SMARCA4: variants seen among roughly 807,000 people sequenced by gnomAD.
SMARCA4 encodes SWI/SNF related BAF chromatin remodeling complex subunit ATPase 4.
A neutral mutation model predicts 193.9 loss-of-function variants in SMARCA4; 31 were observed. The observed-to-expected ratio is 0.16, with a 90% confidence interval of 0.12 to 0.22. SMARCA4 has a LOEUF of 0.22. Ranked by LOEUF, SMARCA4 falls within the 10% of genes least tolerant of loss-of-function variation. The pLI is 1.00. For synonymous variants in SMARCA4, 942 were observed against 933.1 expected (o/e 1.01, Z -0.17); for missense variants, 1,148 against 2,296.0 (o/e 0.50, Z 10.22).
intron 8 of SMARCA4, among the ~76,000 whole-genome samples, chr19:10,992,190 C>T (rs1481682087): frequency 6.6e-6 from 1 of 151,256 alleles, no homozygotes; most frequent in African/African-American, 2.4e-5. Context: ...CGGCTCACTG[C>T]AACCTCCATC....
intron 15 of SMARCA4, among the ~76,000 whole-genome samples, chr19:11,010,747 A>G (rs2088752501): frequency 6.6e-6 from 1 of 152,176 alleles, no homozygotes; most frequent in African/African-American, 2.4e-5. Context: ...GCAGAAAGTC[A>G]GTGTCTACTG....
At position 11,034,038 on chromosome 19, in the gene SMARCA4, C is replaced by A; in HGVS notation, c.3874-85C>A. 9.6e-7 allele frequency: 1 copy of A among 1,044,680 alleles called. No homozygotes were observed. Among genetic ancestry groups the A allele is most frequent in the Non-Finnish European group, 1.5e-6 (1 of 664,430 alleles). The allele number at this position is 1,044,680 out of a possible 1,614,324, so 64.7% of individuals were successfully genotyped here. On this transcript the variant is annotated intron_variant, in intron 27 of 34. Transcript: ENST00000344626. This position sits in a 1 kb window ranked among gnomAD's most constrained non-coding sequence, Gnocchi z 7.0. ...CGTGCCGGGACCACCAGCTCATTCC[C>A]ACGGACGCCGCCGCTCGCCTCTGAG...
In SMARCA4 at chr19:11,037,191, C is replaced by T. The variant is rs544538080; in HGVS notation, c.4170+2059C>T. Among the ~76,000 whole-genome samples, 104 of 152,260 alleles carry T rather than the reference C, an allele frequency of 6.8e-4. 1 individual carries two copies. Among genetic ancestry groups the T allele is most frequent in the African/African-American group, 2.2e-3 (93 of 41,510 alleles). ...AATATGTGCCTAGGCGTAGAGTTGC[C>T]GGAACAATGTTAGTTCTCTATTTAA... is the stretch of plus-strand genomic sequence containing the variant. On this transcript the variant is annotated intron_variant, in intron 29 of 34. Transcript: ENST00000344626.
intron 16 of SMARCA4, 93 bp from the exon 17 acceptor site, chr19:11,018,864 T>G: frequency 9.8e-7 from 1 of 1,021,716 alleles, no homozygotes; most frequent in Non-Finnish European, 1.6e-6. Flanking sequence ...GTGGCCATGT[T>G]GGCCTCGCCC....
chr19:11,021,450 G>A (rs2089859608), intron 18 of SMARCA4: 4 of 563,808 alleles, frequency 7.1e-6, no homozygotes, highest in Non-Finnish European at 1.0e-5. Context: ...GATTTTGCAG[G>A]GAAGCCAGAT....
At chr19:11,061,204 A>AAAATAT (rs1555797070) in intron 34 of SMARCA4, among the ~76,000 whole-genome samples, 19 of 45,210 alleles carry the variant, frequency 4.2e-4, no homozygotes, top group African/African-American at 1.9e-3. Flanking sequence ...AAAAAAAAAA[A>AAAATAT]ATATATATAT....
At chr19:10,974,521 TA>T (rs780255918) in intron 1 of SMARCA4, among the ~76,000 whole-genome samples, 1 of 150,188 alleles carries the variant, frequency 6.7e-6, no homozygotes, top group African/African-American at 2.4e-5. Flanking sequence ...ATGGCTATTG[TA>T]AAAAATAAAT....
At position 11,009,007 on chromosome 19, in the gene SMARCA4, CTTTTTTTTTTTTTTT is replaced by C. The variant is rs762148337; in HGVS notation, c.2123+1004_2123+1018del. On this transcript the variant is annotated intron_variant, in intron 14 of 34. Coordinates refer to ENST00000344626, the MANE Select transcript of SMARCA4 (RefSeq NM_003072.5). ...AAAAAATGTAGGTGGATAAAAGTCA[CTTTTTTTTTTTTTTT>C]TTTTTTTTTTTTTTTTTTTGAGATA... Among the ~76,000 whole-genome samples the C allele has an allele frequency of 9.6e-3, 393 of 40,964 alleles. 4 individuals are homozygous for C. Among genetic ancestry groups the C allele is most frequent in the African/African-American group, 0.034 (331 of 9,682 alleles). The allele number at this position is 40,964 out of a possible 152,430, so 26.9% of individuals were successfully genotyped here.
rs1403150013 is a variant in SMARCA4, at chr19:10,973,742, TG to T, written c.-31-10378del. Among the ~76,000 whole-genome samples the T allele has an allele frequency of 2.0e-5, 3 of 152,062 alleles. No homozygotes were observed. The East Asian group carries it at 5.8e-4, about 29-fold the overall frequency. ...CTGCCACCACGCCCGGCTAATTTTT[TG>T]TATTTTTAGTAGAGACGGGGTTTCA... is the stretch of plus-strand genomic sequence containing the variant. On this transcript the variant is annotated intron_variant, in intron 1 of 34. Coordinates refer to ENST00000344626, the MANE Select transcript of SMARCA4 (RefSeq NM_003072.5).
intron 24 of SMARCA4, among the ~76,000 whole-genome samples, chr19:11,028,159 A>C (rs1180174696): frequency 1.3e-5 from 2 of 152,198 alleles, no homozygotes; most frequent in Non-Finnish European, 2.9e-5. Flanking sequence ...CCTGACTCCT[A>C]GGCTGACAGT....
Position 10,996,274 on chromosome 19 carries a change from A to G in SMARCA4, c.1655A>G (p.Tyr552Cys), listed in dbSNP as rs2087031445. ...CAGAAGAAGGACAAGCGCCTGGCCT[A>G]CCTCTTGCAGCAGACAGACGAGTAC... The part of the protein sequence containing the change: ...IDQKKDKRLA[Y>C]LLQQTDEYVA... The change falls in exon 10 of 35, where the codon TAC (tyrosine) becomes TGC (cysteine). Residue 552 changes from tyrosine to cysteine, a missense_variant. Tyr to Cys is a radical substitution (Grantham distance 194, BLOSUM62 -2). This residue lies in a region of SMARCA4 where 10 missense variants were observed against 89.9 expected (regional missense o/e 0.11). Transcript: ENST00000344626. 1 of 1,614,194 alleles carries G rather than the reference A, an allele frequency of 6.2e-7. No homozygotes were observed. The highest frequency in any genetic ancestry group is 1.1e-5 in the South Asian group (1 of 91,086).
chr19:11,000,807 G>A (rs1476826707), intron 11 of SMARCA4, among the ~76,000 whole-genome samples: 1 of 151,036 alleles, frequency 6.6e-6, no homozygotes, highest in African/African-American at 2.4e-5. Flanking sequence ...AAACCCGGGA[G>A]GCGGATCACA....
intron 30 of SMARCA4, among the ~76,000 whole-genome samples, chr19:11,049,537 T>C (rs951628023): frequency 5.4e-5 from 8 of 148,804 alleles, no homozygotes; most frequent in African/African-American, 2.0e-4. Context: ...CAGGCTGGAG[T>C]GCAGTGGCAC....
In SMARCA4 at chr19:10,986,230, C is replaced by G. The variant is rs2145772582; in HGVS notation, c.397C>G (p.Pro133Ala). Residue 133 changes from proline to alanine, a missense_variant, in exon 4 of 35, where the codon CCA (proline) becomes GCA (alanine). Around this residue, in one of 17 missense-constraint regions of SMARCA4, gnomAD observed 201 missense variants for 248.3 expected, o/e 0.81. Coordinates refer to ENST00000344626, the MANE Select transcript of SMARCA4 (RefSeq NM_003072.5). This position sits in a 1 kb window ranked among gnomAD's most constrained non-coding sequence, Gnocchi z 6.7. ...GGGTGGCTCTGAGCATGCCTCTAGT[C>G]CAGTTCCAGCCAGTGGCCCGTCTTC... is the stretch of plus-strand genomic sequence containing the variant. Reference protein sequence around the residue: ...PLGGSEHASSPVPASGPSSGP... With the variant: ...PLGGSEHASSAVPASGPSSGP... 1 of 1,613,922 alleles carries G rather than the reference C, an allele frequency of 6.2e-7. No individual in the cohort carries two copies. The highest frequency in any genetic ancestry group is 8.5e-7 in the Non-Finnish European group (1 of 1,180,000).
intron 30 of SMARCA4, among the ~76,000 whole-genome samples, chr19:11,046,072 A>T (rs918343563): frequency 1.3e-5 from 2 of 152,114 alleles, no homozygotes; most frequent in African/African-American, 4.8e-5. Context: ...AAATACAAAA[A>T]ATTAGCCAGG....
In SMARCA4 at chr19:11,026,197, T is replaced by C. The variant is rs947821294; in HGVS notation, c.3169-103T>C. 3 of 906,356 alleles carry C rather than the reference T, an allele frequency of 3.3e-6. No homozygotes were observed. The African/African-American group carries it at 4.9e-5, about 15-fold the overall frequency. 56.1% of individuals were successfully genotyped at this position (906,356 alleles called of 1,614,324 possible). ...CCGTGGGCCCGTGCCGAGCACACAG[T>C]GTGGGGGCTTTGTCCTCTGAGCACG... On this transcript the variant is annotated intron_variant, in intron 22 of 34. Coordinates refer to ENST00000344626, the MANE Select transcript of SMARCA4 (RefSeq NM_003072.5).
At chr19:10,996,997 G>A (rs1323516580) in intron 11 of SMARCA4, among the ~76,000 whole-genome samples, 1 of 151,510 alleles carries the variant, frequency 6.6e-6, no homozygotes, top group South Asian at 2.1e-4. Flanking sequence ...CTGGGATTAC[G>A]GTTATGCCCC....
At chr19:10,989,544 C>A in intron 7 of SMARCA4, 101 bp downstream of exon 7, 1 of 1,410,208 alleles carries the variant, frequency 7.1e-7, no homozygotes, top group Non-Finnish European at 9.9e-7. Context: ...TTACACCTGC[C>A]TGGGCTGTGA....
chr19:10,966,013 G>A (rs1249525189), intron 1 of SMARCA4, among the ~76,000 whole-genome samples: 2 of 114,164 alleles, frequency 1.8e-5, no homozygotes, highest in Admixed American at 1.3e-4. Flanking sequence ...GTGAAGTTTC[G>A]CTCTTGTTGC....
Sources: allele counts gnomAD v4.1 joint callset (sites outside exome capture counted in the v4.1 genomes callset), GRCh38; gene constraint gnomAD v4.1.1; regional missense constraint gnomAD v4.1.1; non-coding constraint Gnocchi (gnomAD v3.1); transcripts MANE v1.5; gene names NCBI Gene and HGNC (gene_info 2026-07-23, HGNC 2026-07-21).